ST3GAL4: variants seen among roughly 807,000 people sequenced by gnomAD.
ST3GAL4 encodes the protein CMP-N-acetylneuraminate-beta-galactosamide-alpha-2,3-sialyltransferase 4.
Under a neutral mutation model 42.6 loss-of-function variants are expected in ST3GAL4, and 24 were observed. The observed-to-expected ratio is 0.56, with a 90% CI of 0.41 to 0.79. The LOEUF (loss-of-function observed/expected upper bound fraction) is 0.79, where lower values mean the gene tolerates loss of function less well. Ranked by LOEUF, ST3GAL4 falls within the 30% of genes least tolerant of loss-of-function variation. The pLI is 0.00. For synonymous variants in ST3GAL4, 135 were observed against 163.2 expected, an observed-to-expected ratio of 0.83 and a Z score of 1.32; for missense variants, 311 against 430.8, an observed-to-expected ratio of 0.72 and a Z score of 2.46.
At position 126,406,578 on chromosome 11, in the gene ST3GAL4, C is replaced by T. The variant is rs1565424110; in HGVS notation, c.101+21C>T. The T allele has an allele frequency of 8.1e-6, 13 of 1,614,084 alleles. No individual in the cohort carries two copies. Among genetic ancestry groups the T allele is most frequent in the Non-Finnish European group, 1.1e-5 (13 of 1,179,970 alleles). On this transcript the variant is annotated intron_variant, in intron 3 of 10. Coordinates refer to ENST00000444328, the MANE Select transcript of ST3GAL4 (RefSeq NM_001254757.2). This position sits in a 1 kb window ranked among gnomAD's most constrained non-coding sequence, Gnocchi z 5.4. ...GAGCTGTGAGTTCACCTTCCATGTC[C>T]TTCCAGTGGCTCTTGTCAGGGACAG...
chr11:126,366,252 A>C lies in ST3GAL4; in HGVS notation c.-61+10410A>C, dbSNP rs1952421088. 6.6e-6 allele frequency among the ~76,000 whole-genome samples: 1 copy of C among 152,146 alleles called. No individual in the cohort carries two copies. ...GAGGTAAAGCAGCAGCAGCTGCTGTAGCTGAGCCCGGCCCACGGCCAGCCC... is the reference window on the plus strand; with the variant it reads ...GAGGTAAAGCAGCAGCAGCTGCTGTCGCTGAGCCCGGCCCACGGCCAGCCC... On this transcript the variant is annotated intron_variant, in intron 1 of 10. Coordinates refer to ENST00000444328, the MANE Select transcript of ST3GAL4 (RefSeq NM_001254757.2). This position sits in a 1 kb window ranked among gnomAD's most constrained non-coding sequence, Gnocchi z 4.2.
rs942792998 is a variant in ST3GAL4, at chr11:126,373,968, A to C, written c.-61+18126A>C. ...GTTCCACCTGCACTGGAGCGATGCTATCCGATGAACAGATCCATTTATTAA... is the reference window on the plus strand; with the variant it reads ...GTTCCACCTGCACTGGAGCGATGCTCTCCGATGAACAGATCCATTTATTAA... On this transcript the variant is annotated intron_variant, in intron 1 of 10. Coordinates refer to ENST00000444328, the MANE Select transcript of ST3GAL4 (RefSeq NM_001254757.2). The surrounding 1 kb of genome is among the most constrained non-coding windows in gnomAD (Gnocchi z 5.5). Among the ~76,000 whole-genome samples the C allele has an allele frequency of 6.6e-6, 1 of 152,116 alleles. No individual in the cohort carries two copies. Among genetic ancestry groups the C allele is most frequent in the Admixed American group, 6.5e-5 (1 of 15,280 alleles).
rs115405763 is a variant in ST3GAL4, at chr11:126,398,323, G to A, written c.-60-7773G>A. Among the ~76,000 whole-genome samples the A allele has an allele frequency of 1.0e-3, 158 of 152,312 alleles. No individual in the cohort carries two copies. The highest frequency in any genetic ancestry group is 3.7e-3 in the African/African-American group (155 of 41,560). On this transcript the variant is annotated intron_variant, in intron 1 of 10. Transcript: ENST00000444328. This position sits in a 1 kb window ranked among gnomAD's most constrained non-coding sequence, Gnocchi z 4.7. ...CCAGACAACTCCAGAACCCAGCAGG[G>A]GGAACAATACCAAATCCCAACTTGA...
At position 126,391,236 on chromosome 11, in the gene ST3GAL4, C is replaced by T. The variant is rs1953501301; in HGVS notation, c.-60-14860C>T. On this transcript the variant is annotated intron_variant, in intron 1 of 10. Coordinates refer to ENST00000444328, the MANE Select transcript of ST3GAL4 (RefSeq NM_001254757.2). This position sits in a 1 kb window ranked among gnomAD's most constrained non-coding sequence, Gnocchi z 5.5. ...TGCAGTTGCTTGATCCTATCCTGTCCCTTGCTTTTCCCTTTGCTTCCTTGT... is the reference window on the plus strand; with the variant it reads ...TGCAGTTGCTTGATCCTATCCTGTCTCTTGCTTTTCCCTTTGCTTCCTTGT... Among the ~76,000 whole-genome samples, 1 of 151,970 alleles carries T rather than the reference C, an allele frequency of 6.6e-6. No individual in the cohort carries two copies. Among genetic ancestry groups the T allele is most frequent in the Non-Finnish European group, 1.5e-5 (1 of 67,996 alleles).
chr11:126,379,475 ATATTAT>A lies in ST3GAL4; in HGVS notation c.-61+23647_-61+23652del, dbSNP rs765941313. On this transcript the variant is annotated intron_variant, in intron 1 of 10. Transcript: ENST00000444328. The surrounding 1 kb of genome is among the most constrained non-coding windows in gnomAD (Gnocchi z 4.2). ...CTTGGGTATCCTTAATTTTGTTTTT[ATATTAT>A]TATTATTATTATTGAGACGGAGTTT... 6.6e-6 allele frequency among the ~76,000 whole-genome samples: 1 copy of A among 151,642 alleles called. No homozygotes were observed. The highest frequency in any genetic ancestry group is 1.5e-5 in the Non-Finnish European group (1 of 67,910).
chr11:126,391,936 C>CATGTGTGTGTGTGTGTGTGT lies in ST3GAL4; in HGVS notation c.-60-14160_-60-14159insATGTGTGTGTGTGTGTGTGT, dbSNP rs147051433. ...CTCAGAACACCTGTGATAACTTGGTCGTGTGTGTGTGTGTGTGTGTGTGTG... is the reference window on the plus strand; with the variant it reads ...CTCAGAACACCTGTGATAACTTGGTCATGTGTGTGTGTGTGTGTGTGTGTGTGTGTGTGTGTGTGTGTGTG... On this transcript the variant is annotated intron_variant, in intron 1 of 10. Coordinates refer to ENST00000444328, the MANE Select transcript of ST3GAL4 (RefSeq NM_001254757.2). The surrounding 1 kb of genome is among the most constrained non-coding windows in gnomAD (Gnocchi z 5.5). Among the ~76,000 whole-genome samples, 2 of 144,392 alleles carry CATGTGTGTGTGTGTGTGTGT rather than the reference C, an allele frequency of 1.4e-5. No homozygotes were observed. Among genetic ancestry groups the CATGTGTGTGTGTGTGTGTGT allele is most frequent in the East Asian group, 2.0e-4 (1 of 4,996 alleles). 94.7% of individuals were successfully genotyped at this position (144,392 alleles called of 152,430 possible). A position where few individuals can be genotyped will look rare whatever the true frequency, so the allele number is the denominator to read the frequency against.
chr11:126,407,483 AG>A (rs1313844497), intron 5 of ST3GAL4, 90 bp from the exon 6 acceptor site: 5 of 1,567,102 alleles, frequency 3.2e-6, no homozygotes, highest in Non-Finnish European at 4.4e-6. Context: ...AGAAGAAGGC[AG>A]CCAGCGCTCT....
chr11:126,405,990 T>C (rs1201394824), intron 1 of ST3GAL4, 106 bp from the exon 2 acceptor site: 1 of 1,375,880 alleles, frequency 7.3e-7, no homozygotes, highest in Non-Finnish European at 1.0e-6. Flanking sequence ...AGCAGCTTCC[T>C]GCTTTCTGGT....
chr11:126,414,227 C>G lies in ST3GAL4; in HGVS notation c.*180C>G. On this transcript the variant is annotated 3_prime_UTR_variant, in exon 11 of 11. Transcript: ENST00000444328. Reference sequence around the variant, plus strand: ...ATGCCCCTGGCTGCTCTTATGGAGCCGAGATCCAGTCAGGGTGGGGGCGCT... The same window carrying G: ...ATGCCCCTGGCTGCTCTTATGGAGCGGAGATCCAGTCAGGGTGGGGGCGCT... 3.1e-6 allele frequency: 2 copies of G among 638,220 alleles called. No homozygotes were observed. Among genetic ancestry groups the G allele is most frequent in the East Asian group, 2.8e-5 (1 of 36,200 alleles). The allele number at this position is 638,220 out of a possible 1,614,324, so 39.5% of individuals were successfully genotyped here.
rs781738277 is a variant in ST3GAL4, at chr11:126,406,196, C to G, written c.16+25C>G. The G allele has an allele frequency of 7.7e-6, 12 of 1,556,780 alleles. No homozygotes were observed. The highest frequency in any genetic ancestry group is 2.4e-5 in the South Asian group (2 of 84,398). ...CGTGAGTGTCATCCGAGGGCTCCCC[C>G]ACCCTGGAGGACAGGCCTCAGAAGC... is the stretch of plus-strand genomic sequence containing the variant. On this transcript the variant is annotated intron_variant, in intron 2 of 10. Coordinates refer to ENST00000444328, the MANE Select transcript of ST3GAL4 (RefSeq NM_001254757.2). This position sits in a 1 kb window ranked among gnomAD's most constrained non-coding sequence, Gnocchi z 5.4.
rs1491337143 is a variant in ST3GAL4, at chr11:126,391,935, TCG to T, written c.-60-14160_-60-14159del. On this transcript the variant is annotated intron_variant, in intron 1 of 10. Coordinates refer to ENST00000444328, the MANE Select transcript of ST3GAL4 (RefSeq NM_001254757.2). The surrounding 1 kb of genome is among the most constrained non-coding windows in gnomAD (Gnocchi z 5.5). ...GCTCAGAACACCTGTGATAACTTGG[TCG>T]TGTGTGTGTGTGTGTGTGTGTGTGT... 1.5e-3 allele frequency among the ~76,000 whole-genome samples: 175 copies of T among 114,268 alleles called. No individual in the cohort carries two copies. The highest frequency in any genetic ancestry group is 5.9e-3 in the African/African-American group (163 of 27,678). 75.0% of individuals were successfully genotyped at this position (114,268 alleles called of 152,430 possible).
At chr11:126,413,677 G>A in intron 10 of ST3GAL4, 29 bp downstream of exon 10, 1 of 1,611,910 alleles carries the variant, frequency 6.2e-7, no homozygotes, top group Non-Finnish European at 8.5e-7. Context: ...AGCATGGTGG[G>A]CCAGGGCGTG....
chr11:126,402,833 T>C (rs899450932), intron 1 of ST3GAL4, among the ~76,000 whole-genome samples: 1 of 152,150 alleles, frequency 6.6e-6, no homozygotes, highest in African/African-American at 2.4e-5. Context: ...CCAGCTCCCT[T>C]CGGCCAGGGA....
In ST3GAL4 at chr11:126,395,816, T is replaced by C. The variant is rs562825320; in HGVS notation, c.-60-10280T>C. On this transcript the variant is annotated intron_variant, in intron 1 of 10. Coordinates refer to ENST00000444328, the MANE Select transcript of ST3GAL4 (RefSeq NM_001254757.2). ...TGAGTCCATTAAACTTCTTTTTCTTTATTAATTTCCCAGTCTCGTGCATGT... is the reference window on the plus strand; with the variant it reads ...TGAGTCCATTAAACTTCTTTTTCTTCATTAATTTCCCAGTCTCGTGCATGT... 7.9e-5 allele frequency among the ~76,000 whole-genome samples: 12 copies of C among 152,328 alleles called. 1 individual carries two copies. The South Asian group carries it at 2.5e-3, about 32-fold the overall frequency.
At position 126,409,184 on chromosome 11, in the gene ST3GAL4, C is replaced by T. The variant is rs192410568; in HGVS notation, c.628-84C>T. Reference sequence around the variant, plus strand: ...GCCTCTGCCATCGCTTGGACCCCCTCGCCTCGCTGAGGACCACTGGGTTGG... The same window carrying T: ...GCCTCTGCCATCGCTTGGACCCCCTTGCCTCGCTGAGGACCACTGGGTTGG... On this transcript the variant is annotated intron_variant, in intron 8 of 10. Coordinates refer to ENST00000444328, the MANE Select transcript of ST3GAL4 (RefSeq NM_001254757.2). This position sits in a 1 kb window ranked among gnomAD's most constrained non-coding sequence, Gnocchi z 4.9. The T allele has an allele frequency of 6.3e-4, 987 of 1,556,960 alleles. 2 individuals are homozygous for T. Among genetic ancestry groups the T allele is most frequent in the Admixed American group, 8.8e-4 (51 of 57,662 alleles).
At chr11:126,374,808 G>A (rs372860992) in intron 1 of ST3GAL4, among the ~76,000 whole-genome samples, 1 of 152,096 alleles carries the variant, frequency 6.6e-6, no homozygotes, top group Non-Finnish European at 1.5e-5. Flanking sequence ...TGCAATTAGC[G>A]GACCGTCTGT....
rs773623836 is a variant in ST3GAL4 at position 126,407,365 on chromosome 11, G to A, written c.280+16G>A. On this transcript the variant is annotated intron_variant, in intron 5 of 10. Transcript: ENST00000444328. ...AAGGGGAGTGGTAAGTTCCTACCCGGCTCGTGGGAACCATGGGCTCACCCT... is the reference window on the plus strand; with the variant it reads ...AAGGGGAGTGGTAAGTTCCTACCCGACTCGTGGGAACCATGGGCTCACCCT... 8 of 1,612,116 alleles carry A rather than the reference G, an allele frequency of 5.0e-6. No homozygotes were observed. Among genetic ancestry groups the A allele is most frequent in the South Asian group, 4.4e-5 (4 of 91,058 alleles).
chr11:126,388,660 G>GTTT (rs10599019), intron 1 of ST3GAL4, among the ~76,000 whole-genome samples: 1 of 79,286 alleles, frequency 1.3e-5, no homozygotes, highest in Non-Finnish European at 2.4e-5. Context: ...TAGGTTTCTT[G>GTTT]TTTTTTTTTT....
At position 126,406,112 on chromosome 11, in the gene ST3GAL4, G is replaced by A. The variant is rs184073997; in HGVS notation, c.-44G>A. On this transcript the variant is annotated 5_prime_UTR_variant, in exon 2 of 11. Transcript: ENST00000444328. This position sits in a 1 kb window ranked among gnomAD's most constrained non-coding sequence, Gnocchi z 5.4. ...ATTTCCTAGGTGGCCCGAGGCAGCC[G>A]GGATGACAGCTCTCCCCAGGAATCC... 3.6e-5 allele frequency: 56 copies of A among 1,551,932 alleles called. No homozygotes were observed. The highest frequency in any genetic ancestry group is 1.1e-4 in the African/African-American group (8 of 73,178).
Sources: allele counts gnomAD v4.1 joint callset (sites outside exome capture counted in the v4.1 genomes callset), GRCh38; gene constraint gnomAD v4.1.1; non-coding constraint Gnocchi (gnomAD v3.1); transcripts MANE v1.5; gene names NCBI Gene and HGNC (gene_info 2026-07-23, HGNC 2026-07-21).